The following KIAA0825 variants were observed in gnomAD, a reference collection of about 807,000 sequenced individuals.
KIAA0825 encodes the protein KIAA0825, also known as uncharacterized protein KIAA0825.
A neutral mutation model predicts 147.6 loss-of-function variants in KIAA0825; 119 were observed. That is an observed-to-expected ratio of 0.81 (90% CI 0.69 to 0.94). KIAA0825 has a LOEUF of 0.94. KIAA0825 is among the 40% of genes least tolerant of loss of function. KIAA0825 has a pLI of 0.00. For missense variants in KIAA0825, 1,381 were observed against 1,472.7 expected, an observed-to-expected ratio of 0.94 and a Z score of 1.02; for synonymous variants, 470 against 518.1, an observed-to-expected ratio of 0.91 and a Z score of 1.26.
chr5:94,528,795 T>G (rs1395867114), intron 3 of KIAA0825, among the ~76,000 whole-genome samples: 1 of 152,026 alleles, frequency 6.6e-6, no homozygotes, highest in Non-Finnish European at 1.5e-5. Context: ...CTCCTTTTTT[T>G]TTTTTAAATC....
intron 15 of KIAA0825, among the ~76,000 whole-genome samples, chr5:94,407,151 G>A (rs1341743447): frequency 1.3e-5 from 2 of 152,190 alleles, no homozygotes; most frequent in Non-Finnish European, 1.5e-5. Context: ...TCCTGGGGAT[G>A]AAGAAGGACA....
At chr5:94,261,663 C>T (rs1422854762) in intron 20 of KIAA0825, among the ~76,000 whole-genome samples, 2 of 152,112 alleles carry the variant, frequency 1.3e-5, no homozygotes, top group Non-Finnish European at 2.9e-5. Flanking sequence ...TATTCTTTCT[C>T]AGGAGCTCTC....
chr5:94,469,408 G>A (rs886384139), intron 10 of KIAA0825, among the ~76,000 whole-genome samples: 1 of 152,140 alleles, frequency 6.6e-6, no homozygotes, highest in African/African-American at 2.4e-5. Context: ...CTGACCTCAA[G>A]TGATCTGCCT....
At chr5:94,377,043 C>T (rs1230811038) in intron 20 of KIAA0825, among the ~76,000 whole-genome samples, 1 of 152,200 alleles carries the variant, frequency 6.6e-6, no homozygotes, top group Admixed American at 6.5e-5. Context: ...ACAGGGCACA[C>T]ACTGTAATCT....
chr5:94,345,787 C>T (rs139502007), intron 20 of KIAA0825, among the ~76,000 whole-genome samples: 7 of 152,092 alleles, frequency 4.6e-5, no homozygotes, highest in East Asian at 1.9e-4. Context: ...TTTATTCAGC[C>T]GGGAGCTTCG....
At chr5:94,574,919 C>T (rs771516070) in intron 2 of KIAA0825, among the ~76,000 whole-genome samples, 1 of 152,086 alleles carries the variant, frequency 6.6e-6, no homozygotes, top group African/African-American at 2.4e-5. Context: ...TTTCTATGTA[C>T]TGGGATCCCA....
intron 20 of KIAA0825, among the ~76,000 whole-genome samples, chr5:94,310,736 A>T (rs1779094704): frequency 6.6e-6 from 1 of 151,756 alleles, no homozygotes; most frequent in Non-Finnish European, 1.5e-5. Flanking sequence ...TAAGCAGTGC[A>T]TATGAACTCT....
intron 5 of KIAA0825, among the ~76,000 whole-genome samples, chr5:94,495,586 G>C (rs1285693615): frequency 6.6e-6 from 1 of 152,110 alleles, no homozygotes; most frequent in Admixed American, 6.5e-5. Context: ...GACTAAGGAG[G>C]GCCATACCTC....
At chr5:94,511,063 G>A (rs754315539) in intron 5 of KIAA0825, among the ~76,000 whole-genome samples, 4 of 152,006 alleles carry the variant, frequency 2.6e-5, no homozygotes, top group Non-Finnish European at 5.9e-5. Flanking sequence ...TGGGATTAGT[G>A]TCCTTAAAAA....
chr5:94,302,678 TACTC>T (rs200929785), intron 20 of KIAA0825, among the ~76,000 whole-genome samples: 3,021 of 152,216 alleles, frequency 0.02, 51 homozygotes, highest in Non-Finnish European at 0.025. Context: ...TAAATTGTCT[TACTC>T]AACAACAGAA....
chr5:94,451,038 T>C (rs921778796), intron 13 of KIAA0825, among the ~76,000 whole-genome samples: 3 of 152,166 alleles, frequency 2.0e-5, no homozygotes, highest in Non-Finnish European at 4.4e-5. Context: ...CCTGAGTACT[T>C]ACCTTACAGA....
intron 2 of KIAA0825, among the ~76,000 whole-genome samples, chr5:94,546,139 A>G (rs1774309910): frequency 6.6e-6 from 1 of 152,144 alleles, no homozygotes; most frequent in South Asian, 2.1e-4. Context: ...TGCCTGTGGA[A>G]AGGGGAAGGA....
intron 20 of KIAA0825, among the ~76,000 whole-genome samples, chr5:94,333,555 C>G (rs961670204): frequency 6.6e-6 from 1 of 152,140 alleles, no homozygotes; most frequent in African/African-American, 2.4e-5. Flanking sequence ...GGTGTTATTT[C>G]TGAGGCCTCT....
At chr5:94,479,640 G>T (rs769430172) in intron 6 of KIAA0825, among the ~76,000 whole-genome samples, 5 of 152,078 alleles carry the variant, frequency 3.3e-5, no homozygotes, top group Non-Finnish European at 5.9e-5. Context: ...GGATTGTATG[G>T]TAAAACTATG....
At chr5:94,325,804 T>C (rs1376236424) in intron 20 of KIAA0825, among the ~76,000 whole-genome samples, 1 of 152,034 alleles carries the variant, frequency 6.6e-6, no homozygotes, top group Non-Finnish European at 1.5e-5. Context: ...TGTTGAATAA[T>C]GTATTTCAAG....
intron 12 of KIAA0825, among the ~76,000 whole-genome samples, chr5:94,456,215 G>A (rs930158176): frequency 6.6e-6 from 1 of 152,064 alleles, no homozygotes; most frequent in African/African-American, 2.4e-5. Flanking sequence ...ACACTTCTTT[G>A]ATCTCTTTGC....
chr5:94,291,797 G>A (rs71580775), intron 20 of KIAA0825, among the ~76,000 whole-genome samples: 16,743 of 152,038 alleles, frequency 0.11, 1,028 homozygotes, highest in Non-Finnish European at 0.13. Flanking sequence ...TTTAGCAGTG[G>A]TTTGTAGTTC....
At chr5:94,487,736 C>G (rs1029515164) in intron 5 of KIAA0825, among the ~76,000 whole-genome samples, 2 of 152,078 alleles carry the variant, frequency 1.3e-5, no homozygotes, top group African/African-American at 4.8e-5. Context: ...CATTATCTGC[C>G]AGTCTGGGCA....
intron 2 of KIAA0825, among the ~76,000 whole-genome samples, chr5:94,575,457 C>T (rs1002085202): frequency 6.6e-6 from 1 of 152,072 alleles, no homozygotes. Context: ...TCAGAGAAAA[C>T]CAGGCCGCTG....
Sources: allele counts gnomAD v4.1 joint callset (sites outside exome capture counted in the v4.1 genomes callset), GRCh38; gene constraint gnomAD v4.1.1; transcripts MANE v1.5; gene names NCBI Gene and HGNC (gene_info 2026-07-23, HGNC 2026-07-21).